TSHZ2: variants seen among roughly 807,000 people sequenced by gnomAD.
TSHZ2 encodes the protein teashirt homolog 2.
A neutral mutation model predicts 74.4 loss-of-function variants in TSHZ2; 21 were observed. The observed-to-expected ratio is 0.28, with a 90% CI of 0.20 to 0.41. TSHZ2 has a LOEUF of 0.41. Among genes scored for constraint, TSHZ2 ranks in the 10% least tolerant of loss-of-function variants. The probability of loss-of-function intolerance (pLI) is 1.00; values close to 1 mark genes in which losing one functional copy is unlikely to be tolerated. For synonymous variants in TSHZ2, 540 were observed against 515.3 expected (o/e 1.05, Z -0.65); for missense variants, 1,244 against 1,293.5 (o/e 0.96, Z 0.59).
At chr20:53,457,612 ACAGAGGGCATCC>A (rs1985153178) in intron 2 of TSHZ2, among the ~76,000 whole-genome samples, 1 of 134,294 alleles carries the variant, frequency 7.4e-6, no homozygotes, top group Non-Finnish European at 1.6e-5. Context: ...AGGAGTGGTG[ACAGAGGGCATCC>A]CTGTCTTGTG....
chr20:53,179,255 C>G (rs1370714692), intron 1 of TSHZ2: 2 of 152,044 alleles, frequency 1.3e-5, no homozygotes, highest in East Asian at 1.9e-4. Flanking sequence ...CACACCACAT[C>G]GAGTCTTGGT....
At chr20:53,199,481 GTAAAA>G (rs911628943) in intron 1 of TSHZ2, among the ~76,000 whole-genome samples, 1 of 152,044 alleles carries the variant, frequency 6.6e-6, no homozygotes, top group Non-Finnish European at 1.5e-5. Context: ...CTCAAAAAAA[GTAAAA>G]TAAAATAAAA....
At chr20:53,017,353 G>GAGAGA (rs1293594169) in intron 1 of TSHZ2, among the ~76,000 whole-genome samples, 1 of 152,132 alleles carries the variant, frequency 6.6e-6, no homozygotes, top group Non-Finnish European at 1.5e-5. Flanking sequence ...AGTCCTCTCT[G>GAGAGA]TCTTTCTCCC....
chr20:53,442,252 A>G (rs946990915), intron 2 of TSHZ2, among the ~76,000 whole-genome samples: 3 of 152,208 alleles, frequency 2.0e-5, no homozygotes, highest in African/African-American at 7.2e-5. Flanking sequence ...TGCAACCGCC[A>G]CTAATCTCCT....
intron 2 of TSHZ2, among the ~76,000 whole-genome samples, chr20:53,350,545 T>G (rs1980609586): frequency 6.6e-6 from 1 of 152,250 alleles, no homozygotes; most frequent in African/African-American, 2.4e-5. Context: ...AGTTTCATTG[T>G]GACCTTGTAT....
chr20:53,043,661 C>T (rs955697098), intron 1 of TSHZ2, among the ~76,000 whole-genome samples: 3 of 152,054 alleles, frequency 2.0e-5, no homozygotes, highest in Admixed American at 6.6e-5. Flanking sequence ...GCCATGTGGA[C>T]ATAATATACT....
At chr20:53,216,060 C>G (rs917957394) in intron 1 of TSHZ2, among the ~76,000 whole-genome samples, 1 of 152,072 alleles carries the variant, frequency 6.6e-6, no homozygotes, top group Non-Finnish European at 1.5e-5. Context: ...CTTCCCCAGT[C>G]AAATTCCCAG....
intron 1 of TSHZ2, among the ~76,000 whole-genome samples, chr20:53,215,654 G>A (rs1008538684): frequency 1.3e-5 from 2 of 151,874 alleles, no homozygotes; most frequent in South Asian, 4.2e-4. Flanking sequence ...ATCACCTGAG[G>A]TCGGGAGTTC....
chr20:53,202,804 G>T (rs150320691), intron 1 of TSHZ2, among the ~76,000 whole-genome samples: 2,012 of 152,274 alleles, frequency 0.013, 15 homozygotes, highest in Non-Finnish European at 0.02. Flanking sequence ...CTGTTTTGTT[G>T]ATGGCTTTAG....
chr20:53,352,791 AAAAGAAAG>A (rs11469664), intron 2 of TSHZ2, among the ~76,000 whole-genome samples: 1 of 139,398 alleles, frequency 7.2e-6, no homozygotes, highest in African/African-American at 2.7e-5. Context: ...AAAAAAAAAA[AAAAGAAAG>A]AAATAAGATG....
At chr20:53,122,297 AAAAAAAG>A (rs1483146227) in intron 1 of TSHZ2, among the ~76,000 whole-genome samples, 2 of 144,702 alleles carry the variant, frequency 1.4e-5, no homozygotes, top group Admixed American at 7.3e-5. Context: ...ACAAAAAAAA[AAAAAAAG>A]AAAGAAAACA....
intron 1 of TSHZ2, among the ~76,000 whole-genome samples, chr20:53,003,334 C>T (rs981103842): frequency 2.0e-5 from 3 of 151,542 alleles, no homozygotes; most frequent in Non-Finnish European, 2.9e-5. Flanking sequence ...GCACCTTCCT[C>T]GCAAGCGCTG....
At chr20:53,243,794 A>G (rs917531388) in intron 1 of TSHZ2, among the ~76,000 whole-genome samples, 1 of 151,308 alleles carries the variant, frequency 6.6e-6, no homozygotes, top group African/African-American at 2.4e-5. Context: ...TTTCTGAGAG[A>G]ACAGTGGGTT....
intron 1 of TSHZ2, among the ~76,000 whole-genome samples, chr20:53,012,457 G>T (rs1982885132): frequency 6.6e-6 from 1 of 152,098 alleles, no homozygotes; most frequent in Non-Finnish European, 1.5e-5. Flanking sequence ...AATGAATCAG[G>T]ATTTTCATTT....
intron 2 of TSHZ2, among the ~76,000 whole-genome samples, chr20:53,481,789 T>A (rs563062679): frequency 6.6e-6 from 1 of 152,022 alleles, no homozygotes; most frequent in East Asian, 1.9e-4. Context: ...GACATAGGTA[T>A]CTGAAATTTA....
At chr20:53,223,945 G>T (rs1989625198) in intron 1 of TSHZ2, among the ~76,000 whole-genome samples, 1 of 150,822 alleles carries the variant, frequency 6.6e-6, no homozygotes, top group Non-Finnish European at 1.5e-5. Flanking sequence ...CTAAGTTTAG[G>T]TAAAACTGGT....
chr20:53,419,645 A>G (rs1983394966), intron 2 of TSHZ2, among the ~76,000 whole-genome samples: 1 of 152,218 alleles, frequency 6.6e-6, no homozygotes, highest in Non-Finnish European at 1.5e-5. Flanking sequence ...GGAGGTCTTA[A>G]CCACAGGCCC....
chr20:53,078,360 T>C (rs1985428284), intron 1 of TSHZ2, among the ~76,000 whole-genome samples: 1 of 152,230 alleles, frequency 6.6e-6, no homozygotes. Context: ...TACTTGTTCA[T>C]TGTAGAAGAT....
At chr20:53,450,446 T>C (rs1984732041) in intron 2 of TSHZ2, among the ~76,000 whole-genome samples, 1 of 152,232 alleles carries the variant, frequency 6.6e-6, no homozygotes, top group Non-Finnish European at 1.5e-5. Flanking sequence ...GAATGAGCCA[T>C]TTGCCTTTAT....
Sources: allele counts gnomAD v4.1 joint callset (sites outside exome capture counted in the v4.1 genomes callset), GRCh38; gene constraint gnomAD v4.1.1; transcripts MANE v1.5; gene names NCBI Gene and HGNC (gene_info 2026-07-23, HGNC 2026-07-21).